The following CABCOCO1 variants were observed in gnomAD, a reference collection of about 807,000 sequenced individuals.
The protein encoded by CABCOCO1 is ciliary-associated calcium-binding coiled-coil protein 1.
Under a neutral mutation model 35.7 loss-of-function variants are expected in CABCOCO1, and 28 were observed. That is an observed-to-expected ratio of 0.78 (90% CI 0.58 to 1.07). The LOEUF (loss-of-function observed/expected upper bound fraction) is 1.07. Ranked by LOEUF, CABCOCO1 falls within the 50% of genes least tolerant of loss-of-function variation. CABCOCO1 has a pLI of 0.00. For synonymous variants in CABCOCO1, 95 were observed against 100.1 expected, an observed-to-expected ratio of 0.95 and a Z score of 0.30; for missense variants, 326 against 309.2, an observed-to-expected ratio of 1.05 and a Z score of -0.41.
chr10:61,733,256 A>G (rs1841345097), intron 5 of CABCOCO1, among the ~76,000 whole-genome samples: 2 of 151,968 alleles, frequency 1.3e-5, no homozygotes, highest in South Asian at 4.1e-4. Flanking sequence ...ACCTATTTAT[A>G]GTTTATTTCA....
At position 61,765,950 on chromosome 10, in the gene CABCOCO1, C is replaced by A. The variant is rs765205713; in HGVS notation, c.828C>A (p.Asn276Lys). Residue 276 changes from asparagine (N) to lysine (K), a missense_variant, in exon 8 of 8, where the codon AAC becomes AAA. Transcript: ENST00000648843. ...GATTGTCTTCACAGACCGAGATAAA[C>A]GAAAAACTGCAAATACAGGAAGAGG... ...DILIGIQTEI[N>K]EKLQIQEEAF... The A allele has an allele frequency of 2.2e-5, 36 of 1,612,700 alleles. 1 individual carries two copies. The highest frequency in any genetic ancestry group is 3.3e-4 in the Middle Eastern group (2 of 6,054).
chr10:61,713,212 G>T (rs1486723510), intron 5 of CABCOCO1, among the ~76,000 whole-genome samples: 1 of 152,166 alleles, frequency 6.6e-6, no homozygotes, highest in East Asian at 1.9e-4. Context: ...TCCTTGAAGA[G>T]GTCCTTCACA....
At chr10:61,712,396 G>C (rs939994966) in intron 5 of CABCOCO1, among the ~76,000 whole-genome samples, 1 of 152,058 alleles carries the variant, frequency 6.6e-6, no homozygotes, top group Non-Finnish European at 1.5e-5. Context: ...TGTAAATTCT[G>C]GATATTAGCC....
intron 5 of CABCOCO1, among the ~76,000 whole-genome samples, chr10:61,712,556 GT>G (rs1237553599): frequency 6.6e-6 from 1 of 152,076 alleles, no homozygotes; most frequent in South Asian, 2.1e-4. Context: ...TGCTTTTGGT[GT>G]TTTAGTCATG....
chr10:61,711,936 T>G (rs577838289), intron 5 of CABCOCO1, among the ~76,000 whole-genome samples: 1 of 152,062 alleles, frequency 6.6e-6, no homozygotes, highest in East Asian at 1.9e-4. Context: ...ATTTGTGCTA[T>G]TGTGAATAGT....
intron 2 of CABCOCO1, among the ~76,000 whole-genome samples, chr10:61,680,553 A>AT (rs1366321906): frequency 2.1e-4 from 25 of 118,692 alleles, no homozygotes; most frequent in African/African-American, 5.9e-4. Context: ...TATATAACAT[A>AT]TAATATATAT....
chr10:61,674,716 C>A (rs1002410936), intron 2 of CABCOCO1, among the ~76,000 whole-genome samples: 3 of 152,086 alleles, frequency 2.0e-5, no homozygotes, highest in Admixed American at 6.6e-5. Flanking sequence ...AAATTTCTCT[C>A]CATGAAAGCA....
chr10:61,744,768 T>G (rs1419656793), intron 5 of CABCOCO1, among the ~76,000 whole-genome samples: 1 of 152,110 alleles, frequency 6.6e-6, no homozygotes, highest in East Asian at 1.9e-4. Flanking sequence ...ATAAATCAGC[T>G]TAGGCGCTAC....
intron 3 of CABCOCO1, among the ~76,000 whole-genome samples, chr10:61,681,582 A>G (rs778127472): frequency 6.6e-6 from 1 of 152,134 alleles, no homozygotes; most frequent in Non-Finnish European, 1.5e-5. Flanking sequence ...CCCTCTAAAT[A>G]TCTGAGGACT....
intron 5 of CABCOCO1, among the ~76,000 whole-genome samples, chr10:61,711,261 C>A (rs1840727940): frequency 6.6e-6 from 1 of 151,878 alleles, no homozygotes; most frequent in African/African-American, 2.4e-5. Flanking sequence ...AGAATAAGGA[C>A]ATAAACAGTT....
intron 5 of CABCOCO1, among the ~76,000 whole-genome samples, chr10:61,708,695 C>T (rs1840653787): frequency 1.3e-5 from 2 of 152,124 alleles, no homozygotes; most frequent in African/African-American, 4.8e-5. Context: ...AAGGCCACCC[C>T]TCTTCATACC....
chr10:61,766,097 T>C lies in CABCOCO1; in HGVS notation c.*84T>C. The C allele has an allele frequency of 8.1e-7, 1 of 1,227,590 alleles. No homozygotes were observed. Among genetic ancestry groups the C allele is most frequent in the Non-Finnish European group, 1.2e-6 (1 of 866,012 alleles). The allele number at this position is 1,227,590 out of a possible 1,614,324, so 76.0% of individuals were successfully genotyped here. ...ATAACAGACTCTCTGGAGCGTCGTG[T>C]CTCCATCACTTAGTTGTGAAAGGAA... On this transcript the variant is annotated 3_prime_UTR_variant, in exon 8 of 8. Coordinates refer to ENST00000648843, the MANE Select transcript of CABCOCO1 (RefSeq NM_001366906.2).
At chr10:61,757,683 G>C (rs1841925758) in intron 5 of CABCOCO1, among the ~76,000 whole-genome samples, 1 of 111,604 alleles carries the variant, frequency 9.0e-6, no homozygotes, top group Non-Finnish European at 1.8e-5. Context: ...TGTGTGCCCA[G>C]TACACACACA....
At chr10:61,666,096 A>G (rs191969224) in intron 1 of CABCOCO1, among the ~76,000 whole-genome samples, 1 of 152,290 alleles carries the variant, frequency 6.6e-6, no homozygotes, top group East Asian at 1.9e-4. Context: ...CAGGATGCTT[A>G]CATAATTTTG....
At chr10:61,672,888 A>C (rs1386514812) in intron 2 of CABCOCO1, among the ~76,000 whole-genome samples, 153 bp downstream of exon 2, 1 of 152,216 alleles carries the variant, frequency 6.6e-6, no homozygotes, top group Non-Finnish European at 1.5e-5. Context: ...AAAAATTCTC[A>C]AGTAACTGAC....
chr10:61,667,303 G>T (rs1292176886), intron 1 of CABCOCO1, among the ~76,000 whole-genome samples: 2 of 150,094 alleles, frequency 1.3e-5, no homozygotes, highest in African/African-American at 2.4e-5. Flanking sequence ...GATTCTTTAT[G>T]CTTTTCCACG....
intron 5 of CABCOCO1, among the ~76,000 whole-genome samples, chr10:61,727,075 AT>A (rs202022727): frequency 2.3e-3 from 347 of 151,342 alleles, no homozygotes; most frequent in African/African-American, 7.4e-3. Flanking sequence ...CACAAAAAAA[AT>A]GTTATAATAA....
At chr10:61,681,472 TA>T (rs1371140585) in intron 3 of CABCOCO1, among the ~76,000 whole-genome samples, 160 bp downstream of exon 3, 1 of 152,136 alleles carries the variant, frequency 6.6e-6, no homozygotes, top group Non-Finnish European at 1.5e-5. Flanking sequence ...CATTGAGTTA[TA>T]AAACCTCAAG....
At chr10:61,739,783 A>T (rs181387481) in intron 5 of CABCOCO1, among the ~76,000 whole-genome samples, 2 of 152,130 alleles carry the variant, frequency 1.3e-5, no homozygotes, top group African/African-American at 4.8e-5. Context: ...TCTACTAAAA[A>T]TACGAAAATT....
Sources: gnomAD v4.1 joint callset for allele counts (sites outside exome capture counted in the v4.1 genomes callset) on GRCh38, gnomAD v4.1.1 for gene constraint, MANE v1.5 for transcripts, NCBI Gene and HGNC (gene_info 2026-07-23, HGNC 2026-07-21) for gene names.